The following LARP6 variants were observed in gnomAD, a reference collection of about 807,000 sequenced individuals.
LARP6 encodes the protein la-related protein 6.
Under a neutral mutation model 32.8 loss-of-function variants are expected in LARP6, and 18 were observed. The ratio of observed to expected loss-of-function variants is 0.55; its 90% CI spans 0.38 to 0.81. LARP6 has a LOEUF of 0.81. Among genes scored for constraint, LARP6 ranks in the 40% least tolerant of loss-of-function variants. The pLI is 0.00. For missense variants in LARP6, 598 were observed against 663.1 expected (o/e 0.90, Z 1.08); for synonymous variants, 289 against 267.2 (o/e 1.08, Z -0.80).
At chr15:70,843,065 A>G (rs1355207142) in intron 1 of LARP6, among the ~76,000 whole-genome samples, 1 of 152,146 alleles carries the variant, frequency 6.6e-6, no homozygotes, top group African/African-American at 2.4e-5. Flanking sequence ...GCCGATTACA[A>G]CCATCCTGTG....
At chr15:70,848,211 G>A (rs1363059170) in intron 1 of LARP6, among the ~76,000 whole-genome samples, 1 of 152,186 alleles carries the variant, frequency 6.6e-6, no homozygotes. Context: ...GGGGGCACAT[G>A]TTATGCTTGC....
At chr15:70,841,762 T>C (rs946311466) in intron 1 of LARP6, among the ~76,000 whole-genome samples, 11 of 151,952 alleles carry the variant, frequency 7.2e-5, no homozygotes, top group African/African-American at 2.7e-4. Context: ...TCCACCACAA[T>C]TGTAAGCTTC....
chr15:70,834,166 C>T (rs1422626509), intron 2 of LARP6, among the ~76,000 whole-genome samples: 1 of 152,152 alleles, frequency 6.6e-6, no homozygotes, highest in Non-Finnish European at 1.5e-5. Context: ...ACAGGAACTT[C>T]ATGAAACTCA....
At chr15:70,841,028 C>T (rs1249115556) in intron 1 of LARP6, among the ~76,000 whole-genome samples, 1 of 151,946 alleles carries the variant, frequency 6.6e-6, no homozygotes, top group Non-Finnish European at 1.5e-5. Context: ...ATTCTCCTGC[C>T]TCAGCCTCCC....
At chr15:70,835,150 T>A (rs1056726092) in intron 2 of LARP6, among the ~76,000 whole-genome samples, 3 of 152,212 alleles carry the variant, frequency 2.0e-5, no homozygotes, top group African/African-American at 7.2e-5. Flanking sequence ...ACCATTAAAA[T>A]ATCCCTTCCA....
At chr15:70,851,896 A>T in intron 1 of LARP6, 3 of 948,022 alleles carry the variant, frequency 3.2e-6, no homozygotes, top group Non-Finnish European at 4.6e-6. Context: ...AGTCAATCAG[A>T]GGACCTAGAG....
intron 1 of LARP6, among the ~76,000 whole-genome samples, chr15:70,845,822 C>T (rs1258297590): frequency 1.3e-5 from 2 of 152,220 alleles, no homozygotes; most frequent in African/African-American, 4.8e-5. Context: ...TGGCAGGCTT[C>T]ACATGAGGGT....
intron 1 of LARP6, among the ~76,000 whole-genome samples, chr15:70,846,087 A>G (rs2032340913): frequency 6.6e-6 from 1 of 151,862 alleles, no homozygotes; most frequent in South Asian, 2.1e-4. Flanking sequence ...AGCCCTTTTT[A>G]CTCCTGCATC....
intron 1 of LARP6, among the ~76,000 whole-genome samples, chr15:70,846,452 T>C (rs2032346795): frequency 6.6e-6 from 1 of 151,808 alleles, no homozygotes; most frequent in African/African-American, 2.4e-5. Flanking sequence ...CTACAAAAAA[T>C]TTAAAAATTA....
In LARP6 at chr15:70,833,230, T is replaced by C. The variant is rs1005201246; in HGVS notation, c.412-114A>G. On this transcript the variant is annotated intron_variant, in intron 2 of 2. Transcript: ENST00000299213. ...CCCTGTAACACTAGAATCCCTGTATTCTAGTGTCTAGAATCATACGTGGTA... is the reference window on the plus strand; with the variant it reads ...CCCTGTAACACTAGAATCCCTGTATCCTAGTGTCTAGAATCATACGTGGTA... The C allele has an allele frequency of 5.0e-6, 4 of 803,304 alleles. No individual in the cohort carries two copies. In the African/African-American group the frequency reaches 6.7e-5, roughly 14 times the overall value. The allele number at this position is 803,304 out of a possible 1,614,324, so 49.8% of individuals were successfully genotyped here.
At chr15:70,849,066 A>G (rs2032399367) in intron 1 of LARP6, 1 of 152,148 alleles carries the variant, frequency 6.6e-6, no homozygotes, top group Non-Finnish European at 1.5e-5. Context: ...TTTTTAAAAA[A>G]CATATTTCTT....
At chr15:70,843,995 C>A (rs1443564762) in intron 1 of LARP6, among the ~76,000 whole-genome samples, 1 of 149,952 alleles carries the variant, frequency 6.7e-6, no homozygotes, top group Non-Finnish European at 1.5e-5. Flanking sequence ...CTCACTCTGT[C>A]GCCCAGGCTG....
rs758323156 is a variant in LARP6, at chr15:70,832,834, T to C, written c.694A>G (p.Ile232Val). 66 of 1,613,022 alleles carry C rather than the reference T, an allele frequency of 4.1e-5. No homozygotes were observed. Among genetic ancestry groups the C allele is most frequent in the Non-Finnish European group, 5.5e-5 (65 of 1,179,678 alleles). Reference protein sequence around the residue: ...GTFGVISSVRILKPGRELPPD... With the variant: ...GTFGVISSVRVLKPGRELPPD... ...GGCAGCTCTCTCCCAGGTTTGAGGA[T>C]CCGCACTGATGAGATGACTCCAAAA... is the stretch of plus-strand genomic sequence containing the variant. Residue 232 changes from isoleucine (I) to valine (V), a missense_variant, in exon 3 of 3, where the codon ATC (isoleucine) becomes GTC (valine). Around this residue, in one of 3 missense-constraint regions of LARP6, gnomAD observed 368 missense variants for 397.9 expected, o/e 0.92. Transcript: ENST00000299213.
rs773438372 is a variant in LARP6, at chr15:70,851,830, G to A, written c.200+2059C>T. ...AAGGAAACACAGCCAGCTCTGGGGT[G>A]GGGATTGGGGGTGGTGGAGAAGAGG... On this transcript the variant is annotated intron_variant, in intron 1 of 2. Transcript: ENST00000299213. 1.4e-4 allele frequency: 218 copies of A among 1,541,896 alleles called. 1 individual carries two copies. The highest frequency in any genetic ancestry group is 1.8e-4 in the Non-Finnish European group (209 of 1,136,746).
chr15:70,849,281 TG>T (rs1475815157), intron 1 of LARP6: 1 of 152,510 alleles, frequency 6.6e-6, no homozygotes, highest in African/African-American at 2.4e-5. Context: ...CGCTTGAACC[TG>T]GGAGGTGGAG....
chr15:70,846,956 A>G (rs979905058), intron 1 of LARP6, among the ~76,000 whole-genome samples: 1 of 152,188 alleles, frequency 6.6e-6, no homozygotes, highest in Non-Finnish European at 1.5e-5. Flanking sequence ...CCCAACACTT[A>G]TCTATATTTG....
Position 70,840,912 on chromosome 15 carries a change from CT to C in LARP6, c.201-4408del, listed in dbSNP as rs71438504. Among the ~76,000 whole-genome samples the C allele has an allele frequency of 7.3e-3, 1,015 of 139,426 alleles. 9 individuals are homozygous for C. Among genetic ancestry groups the C allele is most frequent in the African/African-American group, 0.02 (753 of 38,126 alleles). The allele number at this position is 139,426 out of a possible 152,430, so 91.5% of individuals were successfully genotyped here. On this transcript the variant is annotated intron_variant, in intron 1 of 2. Coordinates refer to ENST00000299213, the MANE Select transcript of LARP6 (RefSeq NM_018357.4). ...AGGCAGTATAATTTCTCTTTTCTCT[CT>C]TTTTTTTTTTTTTTTTAAGAGACAG...
At chr15:70,837,818 T>C (rs142661323) in intron 1 of LARP6, among the ~76,000 whole-genome samples, 44 of 152,344 alleles carry the variant, frequency 2.9e-4, no homozygotes, top group African/African-American at 9.4e-4. Flanking sequence ...AGAGTTAAGA[T>C]TGCCTGGGTC....
Position 70,836,428 on chromosome 15 carries a change from A to C in LARP6, c.278T>G (p.Ile93Ser), listed in dbSNP as rs1395612997. ...TTCGATCTGATCCACCAGTTTCTTG[A>C]TCAACTCCTCATCCGGGGGCTTCCA... Reference protein sequence around the residue: ...QEWKPPDEELIKKLVDQIEFY... With the variant: ...QEWKPPDEELSKKLVDQIEFY... The change falls in exon 2 of 3, where the codon ATC becomes AGC. Residue 93 changes from isoleucine to serine, a missense_variant. By Grantham distance (142) the Ile-to-Ser change is moderately radical. Around this residue, in one of 3 missense-constraint regions of LARP6, gnomAD observed 161 missense variants for 148.6 expected, o/e 1.08. Transcript: ENST00000299213. 2 of 1,614,008 alleles carry C rather than the reference A, an allele frequency of 1.2e-6. No homozygotes were observed. The highest frequency in any genetic ancestry group is 2.7e-5 in the African/African-American group (2 of 74,886).
Sources: allele counts gnomAD v4.1 joint callset (sites outside exome capture counted in the v4.1 genomes callset), GRCh38; gene constraint gnomAD v4.1.1; regional missense constraint gnomAD v4.1.1; transcripts MANE v1.5; gene names NCBI Gene and HGNC (gene_info 2026-07-23, HGNC 2026-07-21).